Variants in LRP10 observed in about 807,000 individuals in gnomAD.
The protein encoded by LRP10 is LDL receptor related protein 10.
A neutral mutation model predicts 58.5 loss-of-function variants in LRP10; 42 were observed. The observed-to-expected ratio is 0.72, with a 90% CI of 0.56 to 0.93. The LOEUF (loss-of-function observed/expected upper bound fraction) is 0.93, where lower values mean the gene tolerates loss of function less well. LRP10 is among the 40% of genes least tolerant of loss of function. The pLI is 0.00. For synonymous variants in LRP10, 377 were observed against 388.5 expected (o/e 0.97, Z 0.35); for missense variants, 872 against 940.1 (o/e 0.93, Z 0.95).
chr14:22,877,166 G>T lies in LRP10; in HGVS notation c.1781G>T (p.Gly594Val). Residue 594 changes from glycine to valine, a missense_variant, in exon 7 of 7, where the codon GGT becomes GTT. Gly to Val is a moderately radical substitution (Grantham distance 109). Transcript: ENST00000359591. This position sits in a 1 kb window ranked among gnomAD's most constrained non-coding sequence, Gnocchi z 5.1. ...PSAAPLEALDGGTGPAREGGA... is the reference protein window; with the variant it reads ...PSAAPLEALDVGTGPAREGGA... ...GCTGCTCCCCTTGAGGCCCTAGATG[G>T]TGGCACAGGTCCAGCCCGTGAGGGC... 1 of 1,603,814 alleles carries T rather than the reference G, an allele frequency of 6.2e-7. No individual in the cohort carries two copies. The highest frequency in any genetic ancestry group is 8.5e-7 in the Non-Finnish European group (1 of 1,174,884).
At position 22,875,781 on chromosome 14, in the gene LRP10, C is replaced by T. The variant is rs2039997576; in HGVS notation, c.833C>T (p.Thr278Ile). The change falls in exon 5 of 7, where the codon ACA (threonine) becomes ATA (isoleucine). Residue 278 changes from threonine to isoleucine, a missense_variant. Physicochemically the swap from Thr to Ile is moderately conservative, Grantham distance 89. Transcript: ENST00000359591. ...AATGGCAAGGCTGTCACTGTGGAGA[C>T]ACTGTCTGGCCAGGCTGTTGTGTCC... ...FSNGKAVTVE[T>I]LSGQAVVSYH... 6.2e-7 allele frequency: 1 copy of T among 1,614,094 alleles called. No homozygotes were observed. The highest frequency in any genetic ancestry group is 1.3e-5 in the African/African-American group (1 of 74,962).
chr14:22,872,429 T>G, intron 1 of LRP10, 92 bp downstream of exon 1: 2 of 1,480,072 alleles, frequency 1.4e-6, no homozygotes, highest in Non-Finnish European at 9.4e-7. Context: ...CTATCCTGCC[T>G]GCCCATTCCC....
chr14:22,873,516 G>C, intron 3 of LRP10, 70 bp downstream of exon 3: 1 of 1,522,662 alleles, frequency 6.6e-7, no homozygotes, highest in Non-Finnish European at 8.8e-7. Flanking sequence ...GAAGTCTTCA[G>C]GGATCACTTC....
intron 5 of LRP10, 74 bp downstream of exon 5, chr14:22,876,446 C>T: frequency 6.5e-7 from 1 of 1,542,754 alleles, no homozygotes; most frequent in Non-Finnish European, 8.8e-7. Flanking sequence ...TACAGGAGAC[C>T]ACGAAAGTGC....
At position 22,875,802 on chromosome 14, in the gene LRP10, T is replaced by C. The variant is rs1566493146; in HGVS notation, c.854T>C (p.Val285Ala). ...GAGACACTGTCTGGCCAGGCTGTTG[T>C]GTCCTACCACACAGTTGCTTGGAGC... ...TVETLSGQAV[V>A]SYHTVAWSNG... The change falls in exon 5 of 7, where the codon GTG becomes GCG. Residue 285 changes from valine to alanine, a missense_variant. Transcript: ENST00000359591. 1 of 1,614,204 alleles carries C rather than the reference T, an allele frequency of 6.2e-7. No individual in the cohort carries two copies. Among genetic ancestry groups the C allele is most frequent in the East Asian group, 2.2e-5 (1 of 44,892 alleles).
At chr14:22,872,362 CCCAGCCTTCTGTCACCGGG>C (rs2039964128) in intron 1 of LRP10, 25 bp downstream of exon 1, 1 of 1,613,824 alleles carries the variant, frequency 6.2e-7, no homozygotes, top group Admixed American at 1.7e-5. Flanking sequence ...GATACCAACC[CCCAGCCTTCTGTCACCGGG>C]CCAGCAGCTC....
rs1350689322 is a variant in LRP10, at chr14:22,877,486, G to A, written c.2101G>A (p.Val701Met). ...VLLVPLAEPGVWVAEAEDEPL... is the reference protein window; with the variant it reads ...VLLVPLAEPGMWVAEAEDEPL... ...ACTGGTGCCACTGGCTGAGCCGGGG[G>A]TGTGGGTAGCTGAGGCAGAGGATGA... The change falls in exon 7 of 7, where the codon GTG (valine) becomes ATG (methionine). Residue 701 changes from valine (V) to methionine (M), a missense_variant. Coordinates refer to ENST00000359591, the MANE Select transcript of LRP10 (RefSeq NM_014045.5). The surrounding 1 kb of genome is among the most constrained non-coding windows in gnomAD (Gnocchi z 5.1). 1.9e-6 allele frequency: 3 copies of A among 1,610,956 alleles called. No individual in the cohort carries two copies. In the South Asian group the frequency reaches 3.3e-5, roughly 18 times the overall value.
At chr14:22,872,697 G>A in intron 1 of LRP10, 41 bp from the exon 2 acceptor site, 1 of 1,605,840 alleles carries the variant, frequency 6.2e-7, no homozygotes, top group Non-Finnish European at 8.5e-7. Flanking sequence ...AAACTCCTAA[G>A]GAGTGTCTCA....
In LRP10 at chr14:22,878,766, G is replaced by A. The variant is rs2040033160; in HGVS notation, c.*1239G>A. On this transcript the variant is annotated 3_prime_UTR_variant, in exon 7 of 7. Transcript: ENST00000359591. ...AAACGGAGGAGACAAGAGGGCAAGG[G>A]TTATAGGAAAGACCCTGGGCCTGAG... 5.7e-6 allele frequency: 1 copy of A among 176,736 alleles called. No individual in the cohort carries two copies. Among genetic ancestry groups the A allele is most frequent in the Admixed American group, 5.5e-5 (1 of 18,192 alleles). 10.9% of individuals were successfully genotyped at this position (176,736 alleles called of 1,614,324 possible). A position where few individuals can be genotyped will look rare whatever the true frequency, so the allele number is the denominator to read the frequency against.
rs1041394351 is a variant in LRP10 at position 22,881,622 on chromosome 14, C to T, written c.*4095C>T. On this transcript the variant is annotated 3_prime_UTR_variant, in exon 7 of 7. Transcript: ENST00000359591. Reference sequence around the variant, plus strand: ...TGTTGCCTCCCTGACTACAAGGGGTCACTTGCTACTCTAAATGTGTTTCTA... The same window carrying T: ...TGTTGCCTCCCTGACTACAAGGGGTTACTTGCTACTCTAAATGTGTTTCTA... The T allele has an allele frequency of 6.6e-6, 1 of 152,154 alleles. No homozygotes were observed. The highest frequency in any genetic ancestry group is 2.4e-5 in the African/African-American group (1 of 41,410). The allele number at this position is 152,154 out of a possible 1,614,324, so 9.4% of individuals were successfully genotyped here.
rs1288879259 is a variant in LRP10 at position 22,881,395 on chromosome 14, A to G, written c.*3868A>G. 1 of 152,194 alleles carries G rather than the reference A, an allele frequency of 6.6e-6. No homozygotes were observed. The highest frequency in any genetic ancestry group is 1.9e-4 in the East Asian group (1 of 5,198). The allele number at this position is 152,194 out of a possible 1,614,324, so 9.4% of individuals were successfully genotyped here. A position where few individuals can be genotyped will look rare whatever the true frequency, so the allele number is the denominator to read the frequency against. On this transcript the variant is annotated 3_prime_UTR_variant, in exon 7 of 7. Coordinates refer to ENST00000359591, the MANE Select transcript of LRP10 (RefSeq NM_014045.5). ...GAAGGAAGTCATTCTAAAATGTTAC[A>G]CTTGTCTTCAGCATATCTGCAATAT...
Position 22,876,022 on chromosome 14 carries a change from T to G in LRP10, c.1074T>G (p.Pro358=). 6.2e-7 allele frequency: 1 copy of G among 1,613,386 alleles called. No individual in the cohort carries two copies. Among genetic ancestry groups the G allele is most frequent in the South Asian group, 1.1e-5 (1 of 91,076 alleles). The change falls in exon 5 of 7, where the codon CCT becomes CCG. Residue 358 remains proline (P), a synonymous_variant. Coordinates refer to ENST00000359591, the MANE Select transcript of LRP10 (RefSeq NM_014045.5). ...AGGAGGACTGCCCAGGCTGCCCACC[T>G]GGACACTTCCCCTGTGGGGCTGCTG... is the stretch of plus-strand genomic sequence containing the variant. The part of the protein sequence containing the change: ...TDEEDCPGCP[P]GHFPCGAAGT...
At chr14:22,872,812 G>A (rs777319440) in intron 2 of LRP10, 30 bp downstream of exon 2, 2 of 1,613,100 alleles carry the variant, frequency 1.2e-6, no homozygotes, top group Non-Finnish European at 1.7e-6. Context: ...GGGGCTCCGT[G>A]GGCTTGGGAA....
At position 22,875,619 on chromosome 14, in the gene LRP10, T is replaced by C. The variant is rs918787741; in HGVS notation, c.671T>C (p.Leu224Pro). 3 of 1,614,068 alleles carry C rather than the reference T, an allele frequency of 1.9e-6. No individual in the cohort carries two copies. The African/African-American group carries it at 4.0e-5, about 22-fold the overall frequency. Reference sequence around the variant, plus strand: ...CACCCCCAGTCCTGCCATTGGCTGCTGGACCCCCATGATGGCCGGCGGCTG... The same window carrying C: ...CACCCCCAGTCCTGCCATTGGCTGCCGGACCCCCATGATGGCCGGCGGCTG... ...VSHPQSCHWL[L>P]DPHDGRRLAV... The change falls in exon 5 of 7, where the codon CTG becomes CCG. Residue 224 changes from leucine (L) to proline (P), a missense_variant. Coordinates refer to ENST00000359591, the MANE Select transcript of LRP10 (RefSeq NM_014045.5).
At chr14:22,873,128 G>T in intron 2 of LRP10, 183 bp from the exon 3 acceptor site, 1 of 684,028 alleles carries the variant, frequency 1.5e-6, no homozygotes, top group East Asian at 2.7e-5. Context: ...AAGCTATGAA[G>T]AATGTGGAGA....
rs1021352345 is a variant in LRP10, at chr14:22,872,748, G to A, written c.45G>A (p.Leu15=). The change falls in exon 2 of 7, where the codon CTG becomes CTA. Residue 15 remains leucine (L), a synonymous_variant. Coordinates refer to ENST00000359591, the MANE Select transcript of LRP10 (RefSeq NM_014045.5). ...TCGTTCCTCCTCTAGGAGGCGCTCT[G>A]GCCCATCCAGACCGGATTATTTTTC... is the stretch of plus-strand genomic sequence containing the variant. The part of the protein sequence containing the change: ...TLLLLLLGGA[L]AHPDRIIFPN... 2.5e-6 allele frequency: 4 copies of A among 1,614,010 alleles called. No homozygotes were observed. The African/African-American group carries it at 5.3e-5, about 22-fold the overall frequency.
At chr14:22,873,670 G>C (rs1184033745) in intron 3 of LRP10, among the ~76,000 whole-genome samples, 1 of 152,060 alleles carries the variant, frequency 6.6e-6, no homozygotes, top group Non-Finnish European at 1.5e-5. Flanking sequence ...GATTGCAGGT[G>C]CCCGCCACCA....
At position 22,871,777 on chromosome 14, in the gene LRP10, G is replaced by T. The variant is rs1427778294; in HGVS notation, c.-527G>T. The T allele has an allele frequency of 5.6e-6, 1 of 177,900 alleles. No homozygotes were observed. The highest frequency in any genetic ancestry group is 2.4e-5 in the African/African-American group (1 of 41,574). 11.0% of individuals were successfully genotyped at this position (177,900 alleles called of 1,614,324 possible). On this transcript the variant is annotated 5_prime_UTR_variant, in exon 1 of 7. Coordinates refer to ENST00000359591, the MANE Select transcript of LRP10 (RefSeq NM_014045.5). ...TACTCCAACCCCTGGGCGGGCGGGGGTACCGCCTGGGCAAGGGCCGGGGCG... is the reference window on the plus strand; with the variant it reads ...TACTCCAACCCCTGGGCGGGCGGGGTTACCGCCTGGGCAAGGGCCGGGGCG...
In LRP10 at chr14:22,879,144, A is replaced by G. The variant is rs2040037386; in HGVS notation, c.*1617A>G. ...CTGGTGGAGAGGCCCTGTTGATTAC[A>G]CCCTGTCAGCCTCCTCAAACCCAGC... On this transcript the variant is annotated 3_prime_UTR_variant, in exon 7 of 7. Transcript: ENST00000359591. The G allele has an allele frequency of 4.4e-6, 2 of 456,148 alleles. No homozygotes were observed. The highest frequency in any genetic ancestry group is 2.4e-5 in the Admixed American group (1 of 42,542). The allele number at this position is 456,148 out of a possible 1,614,324, so 28.3% of individuals were successfully genotyped here.
Sources: gnomAD v4.1 joint callset for allele counts (sites outside exome capture counted in the v4.1 genomes callset) on GRCh38, gnomAD v4.1.1 for gene constraint, Gnocchi (gnomAD v3.1) non-coding constraint, MANE v1.5 for transcripts, NCBI Gene and HGNC (gene_info 2026-07-23, HGNC 2026-07-21) for gene names.